Variants in DOCK3 observed in about 807,000 individuals in gnomAD.
DOCK3 encodes the protein dedicator of cytokinesis protein 3.
In DOCK3, 60 loss-of-function variants were observed where a neutral mutation model predicts 265.6. The ratio of observed to expected loss-of-function variants is 0.23; its 90% confidence interval spans 0.18 to 0.28. The LOEUF (loss-of-function observed/expected upper bound fraction) is 0.28. Ranked by LOEUF, DOCK3 falls within the 10% of genes least tolerant of loss-of-function variation. The pLI is 1.00. For synonymous variants in DOCK3, 881 were observed against 938.0 expected (o/e 0.94, Z 1.11); for missense variants, 1,981 against 2,594.3 (o/e 0.76, Z 5.14).
chr3:50,823,732 G>T (rs2044593153), intron 2 of DOCK3, among the ~76,000 whole-genome samples: 1 of 151,814 alleles, frequency 6.6e-6, no homozygotes, highest in African/African-American at 2.4e-5. Flanking sequence ...TCACTTCCCA[G>T]TAGGGGCGGC....
At chr3:51,216,038 C>A (rs532865298) in intron 14 of DOCK3, among the ~76,000 whole-genome samples, 1 of 151,668 alleles carries the variant, frequency 6.6e-6, no homozygotes, top group South Asian at 2.1e-4. Context: ...CAAAATTGAC[C>A]TGGTGATCTT....
chr3:51,378,228 C>T (rs1576994186), intron 51 of DOCK3, among the ~76,000 whole-genome samples: 3 of 152,296 alleles, frequency 2.0e-5, no homozygotes, highest in Admixed American at 2.0e-4. Context: ...TACCAGGAGA[C>T]GGGGCAATTC....
chr3:51,297,752 G>C lies in DOCK3; in HGVS notation c.2923-12480G>C, dbSNP rs574317981. Among the ~76,000 whole-genome samples, 35 of 151,434 alleles carry C rather than the reference G, an allele frequency of 2.3e-4. No individual in the cohort carries two copies. The South Asian group carries it at 7.3e-3, about 32-fold the overall frequency. On this transcript the variant is annotated intron_variant, in intron 27 of 52. Coordinates refer to ENST00000266037, the MANE Select transcript of DOCK3 (RefSeq NM_004947.5). ...GAGTTGGAGACAAGCCTGGGCAATA[G>C]AGCAAGACCCTGTCTTTACAAAAAT...
At chr3:50,824,889 A>G (rs1370646174) in intron 2 of DOCK3, among the ~76,000 whole-genome samples, 1 of 152,226 alleles carries the variant, frequency 6.6e-6, no homozygotes, top group Non-Finnish European at 1.5e-5. Context: ...TAGGACTCAA[A>G]AAAGAACATG....
intron 5 of DOCK3, among the ~76,000 whole-genome samples, chr3:51,063,171 C>G (rs2081478350): frequency 6.6e-6 from 1 of 151,710 alleles, no homozygotes; most frequent in African/African-American, 2.4e-5. Context: ...TTACTTGGAC[C>G]TGAGAGTTTG....
At chr3:51,302,412 A>C (rs1389672940) in intron 27 of DOCK3, among the ~76,000 whole-genome samples, 3 of 152,168 alleles carry the variant, frequency 2.0e-5, no homozygotes, top group Admixed American at 6.5e-5. Flanking sequence ...TAATTAGGGC[A>C]TTTAGCCTAT....
At chr3:50,903,289 A>G (rs1463423071) in intron 4 of DOCK3, among the ~76,000 whole-genome samples, 1 of 152,054 alleles carries the variant, frequency 6.6e-6, no homozygotes, top group Non-Finnish European at 1.5e-5. Context: ...TCAATATGAT[A>G]TTGGTTATGG....
intron 3 of DOCK3, among the ~76,000 whole-genome samples, chr3:50,864,313 A>G (rs961273900): frequency 1.3e-5 from 2 of 151,974 alleles, no homozygotes; most frequent in African/African-American, 4.8e-5. Context: ...TTCTTTTGCT[A>G]TTGATTTGAG....
intron 5 of DOCK3, among the ~76,000 whole-genome samples, chr3:50,940,939 A>T (rs1308664847): frequency 1.3e-5 from 2 of 152,190 alleles, no homozygotes; most frequent in African/African-American, 4.8e-5. Flanking sequence ...CTCAAAATGG[A>T]TTATAGGCTC....
intron 49 of DOCK3, among the ~76,000 whole-genome samples, chr3:51,366,026 C>T (rs2087128472): frequency 6.6e-6 from 1 of 152,176 alleles, no homozygotes; most frequent in African/African-American, 2.4e-5. Context: ...AGGATTCCCT[C>T]TTTTTCTTTT....
chr3:50,869,572 G>A (rs981511191), intron 3 of DOCK3, among the ~76,000 whole-genome samples: 4 of 151,126 alleles, frequency 2.6e-5, no homozygotes, highest in East Asian at 2.0e-4. Context: ...GGGTTTTGCC[G>A]TGTTGGCCAG....
intron 5 of DOCK3, among the ~76,000 whole-genome samples, chr3:51,025,901 A>T (rs1473437247): frequency 1.3e-5 from 2 of 152,142 alleles, no homozygotes; most frequent in Admixed American, 1.3e-4. Context: ...CCCAGTGAGG[A>T]TGTACTCAGA....
At position 51,286,603 on chromosome 3, in the gene DOCK3, C is replaced by T. The variant is rs200438018; in HGVS notation, c.2922+6399C>T. ...CTACAGTAACCAAAACAGCATGGTA[C>T]GGATACAAAAAATAGACACATAGAC... On this transcript the variant is annotated intron_variant, in intron 27 of 52. Coordinates refer to ENST00000266037, the MANE Select transcript of DOCK3 (RefSeq NM_004947.5). 4.5e-4 allele frequency among the ~76,000 whole-genome samples: 69 copies of T among 152,202 alleles called. No homozygotes were observed. In the East Asian group the frequency reaches 9.6e-3, roughly 21 times the overall value.
chr3:51,346,725 C>T (rs1263708299), intron 38 of DOCK3, among the ~76,000 whole-genome samples: 2 of 152,200 alleles, frequency 1.3e-5, no homozygotes, highest in African/African-American at 4.8e-5. Flanking sequence ...CTGTCTTCCA[C>T]AATCATTGAA....
chr3:51,192,961 G>T (rs1426563674), intron 12 of DOCK3, among the ~76,000 whole-genome samples: 2 of 152,164 alleles, frequency 1.3e-5, no homozygotes, highest in Non-Finnish European at 2.9e-5. Flanking sequence ...TATTGAATAG[G>T]AATGGTGAAG....
At chr3:50,937,438 A>G (rs2051438658) in intron 5 of DOCK3, among the ~76,000 whole-genome samples, 1 of 152,100 alleles carries the variant, frequency 6.6e-6, no homozygotes, top group Admixed American at 6.6e-5. Flanking sequence ...GCAGATCACG[A>G]GGTCAGGAGA....
intron 40 of DOCK3, among the ~76,000 whole-genome samples, chr3:51,354,326 G>C (rs540119840): frequency 1.7e-4 from 26 of 151,336 alleles, no homozygotes; most frequent in African/African-American, 5.6e-4. Context: ...GATTAACCCT[G>C]TCCCGGGAAG....
At chr3:51,040,864 A>C (rs1226634823) in intron 5 of DOCK3, among the ~76,000 whole-genome samples, 1 of 152,052 alleles carries the variant, frequency 6.6e-6, no homozygotes, top group Non-Finnish European at 1.5e-5. Context: ...TTTTATCATG[A>C]GATTGTAGCA....
At chr3:51,290,055 G>A (rs1390324863) in intron 27 of DOCK3, among the ~76,000 whole-genome samples, 1 of 152,152 alleles carries the variant, frequency 6.6e-6, no homozygotes, top group Non-Finnish European at 1.5e-5. Flanking sequence ...GAGAGGATGT[G>A]GAGAAATAGG....
Sources: allele counts gnomAD v4.1 joint callset (sites outside exome capture counted in the v4.1 genomes callset), GRCh38; gene constraint gnomAD v4.1.1; transcripts MANE v1.5; gene names NCBI Gene and HGNC (gene_info 2026-07-23, HGNC 2026-07-21).